Variants in RAD50 observed in about 807,000 individuals in gnomAD.
RAD50 encodes RAD50 double strand break repair protein, also known as DNA repair protein RAD50.
Under a neutral mutation model 168.8 loss-of-function variants are expected in RAD50, and 132 were observed. That is an observed-to-expected ratio of 0.78 (90% confidence interval 0.68 to 0.90). The LOEUF is 0.90. Ranked by LOEUF, RAD50 falls within the 40% of genes least tolerant of loss-of-function variation. The pLI, the probability that RAD50 is intolerant of heterozygous loss-of-function variation, is 0.00. For missense variants in RAD50, 1,347 were observed against 1,534.4 expected (o/e 0.88, Z 2.04); for synonymous variants, 525 against 497.4 (o/e 1.06, Z -0.74).
chr5:132,557,503 A>G (rs773222267), intron 1 of RAD50, 50 bp downstream of exon 1: 33 of 1,609,390 alleles, frequency 2.1e-5, no homozygotes, highest in Non-Finnish European at 2.7e-5. Context: ...CATCTTTCGG[A>G]GAATAAAATG....
chr5:132,618,146 T>G lies in RAD50; in HGVS notation c.3241T>G (p.Tyr1081Asp), dbSNP rs1162961787. The G allele has an allele frequency of 6.2e-7, 1 of 1,613,864 alleles. No individual in the cohort carries two copies. Among genetic ancestry groups the G allele is most frequent in the Non-Finnish European group, 8.5e-7 (1 of 1,179,872 alleles). ...TTTGGCATTAGGGCGACAGAAAGGTTATGAAGAAGAAATTATTCATTTTAA... is the reference window on the plus strand; with the variant it reads ...TTTGGCATTAGGGCGACAGAAAGGTGATGAAGAAGAAATTATTCATTTTAA... ...HNLALGRQKG[Y>D]EEEIIHFKKE... is the part of the protein sequence containing the mutation. Residue 1081 changes from tyrosine (Y) to aspartate (D), a missense_variant, in exon 21 of 25, where the codon TAT becomes GAT. Coordinates refer to ENST00000378823, the MANE Select transcript of RAD50 (RefSeq NM_005732.4).
intron 2 of RAD50, among the ~76,000 whole-genome samples, chr5:132,569,271 A>G (rs1750260419): frequency 6.6e-6 from 1 of 152,188 alleles, no homozygotes; most frequent in Non-Finnish European, 1.5e-5. Flanking sequence ...AATAAACGGA[A>G]TAATGGTGTT....
rs587780148 is a variant in RAD50, at chr5:132,589,713, T to C, written c.1328T>C (p.Ile443Thr). 5 of 1,612,934 alleles carry C rather than the reference T, an allele frequency of 3.1e-6. No homozygotes were observed. Among genetic ancestry groups the C allele is most frequent in the Non-Finnish European group, 4.2e-6 (5 of 1,179,202 alleles). The change falls in exon 9 of 25, where the codon ATT (isoleucine) becomes ACT (threonine). Residue 443 changes from isoleucine to threonine, a missense_variant. This residue lies in a region of RAD50 where 703 missense variants were observed against 767.7 expected (regional missense o/e 0.92). Coordinates refer to ENST00000378823, the MANE Select transcript of RAD50 (RefSeq NM_005732.4). ...RDKKTGLGRI[I>T]ELKSEILSKK... ...AAGAAAACTGGACTGGGAAGAATAA[T>C]TGAGTTAAAATCAGAAATCCTAAGT... is the stretch of plus-strand genomic sequence containing the variant.
In RAD50 at chr5:132,595,715, A is replaced by G. The variant is rs1260565500; in HGVS notation, c.2112A>G (p.Lys704=). ...AAGTCATCAGTGATTTGCAGTCTAA[A>G]CTGCGACTTGCTCCAGATAAACTCA... ...LQEVISDLQS[K]LRLAPDKLKS... is the part of the protein sequence containing the mutation. The change falls in exon 13 of 25, where the codon AAA becomes AAG. Residue 704 remains lysine (K), a synonymous_variant. Coordinates refer to ENST00000378823, the MANE Select transcript of RAD50 (RefSeq NM_005732.4). The G allele has an allele frequency of 6.2e-7, 1 of 1,614,086 alleles. No homozygotes were observed. The highest frequency in any genetic ancestry group is 1.7e-5 in the Admixed American group (1 of 60,030).
chr5:132,628,275 G>A (rs1751402217), intron 21 of RAD50, among the ~76,000 whole-genome samples: 1 of 152,156 alleles, frequency 6.6e-6, no homozygotes, highest in Admixed American at 6.5e-5. Context: ...TGAGCATAGA[G>A]AGAGAAGGGA....
chr5:132,581,849 A>G (rs192128660), intron 5 of RAD50, among the ~76,000 whole-genome samples: 3 of 152,242 alleles, frequency 2.0e-5, no homozygotes, highest in Non-Finnish European at 4.4e-5. Flanking sequence ...TTACCAAGAT[A>G]TTAGAACAGA....
chr5:132,623,615 A>G (rs1751322097), intron 21 of RAD50, among the ~76,000 whole-genome samples: 1 of 152,176 alleles, frequency 6.6e-6, no homozygotes, highest in Admixed American at 6.5e-5. Flanking sequence ...TGTGAGCTCA[A>G]CTATGAATTT....
intron 21 of RAD50, among the ~76,000 whole-genome samples, chr5:132,622,952 T>G (rs1751309226): frequency 6.6e-6 from 1 of 152,214 alleles, no homozygotes; most frequent in Non-Finnish European, 1.5e-5. Flanking sequence ...TAGACTATAC[T>G]CACTGGTAGC....
At chr5:132,595,927 T>G in intron 13 of RAD50, 117 bp downstream of exon 13, 1 of 858,636 alleles carries the variant, frequency 1.2e-6, no homozygotes, top group South Asian at 1.4e-5. Context: ...ATGCCCTGTC[T>G]TATATCACTT....
chr5:132,626,859 G>C (rs547848165), intron 21 of RAD50, among the ~76,000 whole-genome samples: 1 of 152,176 alleles, frequency 6.6e-6, no homozygotes, highest in East Asian at 1.9e-4. Context: ...TGCTACCATA[G>C]TGGCCCCCTG....
At position 132,642,610 on chromosome 5, in the gene RAD50, G is replaced by A. The variant is rs1751754330; in HGVS notation, c.*246G>A. ...CAGGCAGCCTCTGTCAGGCCTTCAGGGTTCAGCAGTACAGCCGAGACTCGA... is the reference window on the plus strand; with the variant it reads ...CAGGCAGCCTCTGTCAGGCCTTCAGAGTTCAGCAGTACAGCCGAGACTCGA... On this transcript the variant is annotated 3_prime_UTR_variant, in exon 25 of 25. Transcript: ENST00000378823. The A allele has an allele frequency of 2.7e-5, 15 of 550,942 alleles. No individual in the cohort carries two copies. The South Asian group carries it at 3.1e-4, about 11-fold the overall frequency. The allele number at this position is 550,942 out of a possible 1,614,324, so 34.1% of individuals were successfully genotyped here.
chr5:132,589,001 C>G, intron 8 of RAD50, 121 bp downstream of exon 8: 4 of 1,086,114 alleles, frequency 3.7e-6, no homozygotes, highest in Non-Finnish European at 5.5e-6. Context: ...AGGATAAAAT[C>G]TGCTACAAGG....
intron 2 of RAD50, among the ~76,000 whole-genome samples, chr5:132,563,370 A>T (rs1012424040): frequency 2.0e-5 from 3 of 152,236 alleles, no homozygotes; most frequent in African/African-American, 7.2e-5. Context: ...TAGGCAGATT[A>T]TATGATTGGA....
rs1750020259 is a variant in RAD50, at chr5:132,557,364, A to G, written c.40A>G (p.Ser14Gly). ...IEKMSILGVR[S>G]FGIEDKDKQI... ...AAAGATGAGCATTCTGGGCGTGCGG[A>G]GTTTTGGAATAGAGGACAAAGATAA... is the stretch of plus-strand genomic sequence containing the variant. The change falls in exon 1 of 25, where the codon AGT (serine) becomes GGT (glycine). Residue 14 changes from serine (S) to glycine (G), a missense_variant. Ser to Gly is a moderately conservative substitution (Grantham distance 56). Transcript: ENST00000378823. 6.2e-7 allele frequency: 1 copy of G among 1,614,102 alleles called. No homozygotes were observed. The highest frequency in any genetic ancestry group is 8.5e-7 in the Non-Finnish European group (1 of 1,179,948).
chr5:132,630,839 C>G (rs907989680), intron 21 of RAD50: 2 of 152,188 alleles, frequency 1.3e-5, no homozygotes, highest in African/African-American at 4.8e-5. Context: ...TCCCTCTTTT[C>G]TGCTCATCAC....
chr5:132,608,714 G>T lies in RAD50; in HGVS notation c.2818G>T (p.Ala940Ser). The change falls in exon 17 of 25, where the codon GCA (alanine) becomes TCA (serine). Residue 940 changes from alanine (A) to serine (S), a missense_variant. Ala to Ser is a moderately conservative substitution (Grantham distance 99, BLOSUM62 1). Transcript: ENST00000378823. ...CAAAAAAAATACAAGCAACAAAATA[G>T]CACAGGATAAAGTAAGATTTCATTT... ...INKKNTSNKI[A>S]QDKLNDIKEK... 6.3e-7 allele frequency: 1 copy of T among 1,583,812 alleles called. No individual in the cohort carries two copies. The highest frequency in any genetic ancestry group is 8.6e-7 in the Non-Finnish European group (1 of 1,165,182).
rs749631904 is a variant in RAD50 at position 132,591,939 on chromosome 5, G to A, written c.1698G>A (p.Leu566=). 35 of 1,609,646 alleles carry A rather than the reference G, an allele frequency of 2.2e-5. No individual in the cohort carries two copies. In the South Asian group the frequency reaches 2.5e-4, roughly 12 times the overall value. Reference sequence around the variant, plus strand: ...GGCACAGTGATGAATTAACCTCACTGTTGGGATATTTTCCCAACAAAAAAC... The same window carrying A: ...GGCACAGTGATGAATTAACCTCACTATTGGGATATTTTCCCAACAAAAAAC... The part of the protein sequence containing the change: ...KSRHSDELTS[L]LGYFPNKKQL... The change falls in exon 11 of 25, where the codon CTG becomes CTA. Residue 566 remains leucine, a synonymous_variant. Coordinates refer to ENST00000378823, the MANE Select transcript of RAD50 (RefSeq NM_005732.4).
chr5:132,609,622 A>G (rs2149850064), intron 19 of RAD50, among the ~76,000 whole-genome samples: 2 of 152,214 alleles, frequency 1.3e-5, no homozygotes, highest in East Asian at 3.9e-4. Context: ...TCTGTACTGA[A>G]AATACAAAAA....
rs570771738 is a variant in RAD50, at chr5:132,594,935, G to A, written c.1860G>A (p.Glu620=). The A allele has an allele frequency of 1.4e-5, 23 of 1,609,458 alleles. No homozygotes were observed. The East Asian group carries it at 4.2e-4, about 30-fold the overall frequency. Residue 620 remains glutamate (E), a synonymous_variant, in exon 12 of 25, where the codon GAG becomes GAA. Coordinates refer to ENST00000378823, the MANE Select transcript of RAD50 (RefSeq NM_005732.4). The part of the protein sequence containing the change: ...HINNELKRKE[E]QLSSYEDKLF... ...ATAATGAACTAAAAAGAAAGGAAGAGCAGTTGTCCAGTTACGAAGACAAGC... is the reference window on the plus strand; with the variant it reads ...ATAATGAACTAAAAAGAAAGGAAGAACAGTTGTCCAGTTACGAAGACAAGC...
Sources: gnomAD v4.1 joint callset for allele counts (sites outside exome capture counted in the v4.1 genomes callset) on GRCh38, gnomAD v4.1.1 for gene constraint, gnomAD v4.1.1 regional missense constraint, MANE v1.5 for transcripts, NCBI Gene and HGNC (gene_info 2026-07-23, HGNC 2026-07-21) for gene names.